DAAM1: variants seen among roughly 807,000 people sequenced by gnomAD.
DAAM1 encodes the protein dishevelled associated activator of morphogenesis 1.
A neutral mutation model predicts 130.0 loss-of-function variants in DAAM1; 52 were observed. That is an observed-to-expected ratio of 0.40 (90% CI 0.32 to 0.50). The LOEUF (loss-of-function observed/expected upper bound fraction) is 0.50. DAAM1 is among the 20% of genes least tolerant of loss of function. The probability of loss-of-function intolerance (pLI) is 0.61; values close to 1 mark genes in which losing one functional copy is unlikely to be tolerated. For missense variants in DAAM1, 1,134 were observed against 1,303.8 expected (o/e 0.87, Z 2.01); for synonymous variants, 452 against 444.5 (o/e 1.02, Z -0.21).
intron 12 of DAAM1, among the ~76,000 whole-genome samples, chr14:59,328,573 C>T (rs1885301686): frequency 1.3e-5 from 2 of 152,236 alleles, no homozygotes; most frequent in Non-Finnish European, 2.9e-5. Context: ...CTCCCCCTTT[C>T]TCACTGTGTG....
intron 14 of DAAM1, 30 bp from the exon 15 acceptor site, chr14:59,331,783 C>T (rs778819975): frequency 3.7e-6 from 6 of 1,600,734 alleles, no homozygotes; most frequent in South Asian, 3.4e-5. Flanking sequence ...TAACTGTAAA[C>T]TATAGCACTT....
chr14:59,237,598 T>A (rs1216635148), intron 1 of DAAM1, among the ~76,000 whole-genome samples: 1 of 152,220 alleles, frequency 6.6e-6, no homozygotes, highest in Non-Finnish European at 1.5e-5. Context: ...ATTTACGCTA[T>A]TGGGCCTACA....
At chr14:59,204,950 C>T (rs1302092230) in intron 1 of DAAM1, among the ~76,000 whole-genome samples, 2 of 152,226 alleles carry the variant, frequency 1.3e-5, no homozygotes, top group African/African-American at 4.8e-5. Flanking sequence ...CTCTGTCTTC[C>T]TAAAATGATC....
At chr14:59,328,158 A>G (rs2139629760) in intron 12 of DAAM1, among the ~76,000 whole-genome samples, 1 of 152,358 alleles carries the variant, frequency 6.6e-6, no homozygotes, top group South Asian at 2.1e-4. Flanking sequence ...CTTTTCTCTC[A>G]TCACATTTCC....
intron 1 of DAAM1, among the ~76,000 whole-genome samples, chr14:59,242,282 CAAGAACCA>C (rs1881160066): frequency 6.6e-6 from 1 of 152,132 alleles, no homozygotes; most frequent in Non-Finnish European, 1.5e-5. Flanking sequence ...TCTCTAAAGG[CAAGAACCA>C]AATTGGTCTT....
chr14:59,368,597 C>G, intron 24 of DAAM1, 53 bp from the exon 25 acceptor site: 1 of 1,559,784 alleles, frequency 6.4e-7, no homozygotes. Flanking sequence ...CTACTGCAAA[C>G]AAAATGCAAC....
At chr14:59,340,243 C>G in intron 16 of DAAM1, 63 bp downstream of exon 16, 1 of 1,480,900 alleles carries the variant, frequency 6.8e-7, no homozygotes, top group South Asian at 1.1e-5. Context: ...TGGCTCAAAA[C>G]CACATGTTAG....
At chr14:59,315,393 C>A in intron 4 of DAAM1, 42 bp downstream of exon 4, 4 of 1,571,980 alleles carry the variant, frequency 2.5e-6, no homozygotes, top group South Asian at 2.2e-5. Context: ...GTTTAAAATG[C>A]AAGTGTAGTA....
intron 1 of DAAM1, among the ~76,000 whole-genome samples, chr14:59,213,056 A>T (rs539336220): frequency 6.7e-6 from 1 of 150,078 alleles, no homozygotes; most frequent in South Asian, 2.1e-4. Flanking sequence ...CCCCCTCCCC[A>T]GGAGTAGGGA....
intron 23 of DAAM1, among the ~76,000 whole-genome samples, chr14:59,366,804 C>T (rs1886932958): frequency 6.6e-6 from 1 of 152,042 alleles, no homozygotes; most frequent in South Asian, 2.1e-4. Flanking sequence ...GTCCCAGCTA[C>T]TCGTGAGGCT....
chr14:59,324,429 G>C lies in DAAM1; in HGVS notation c.964G>C (p.Glu322Gln), dbSNP rs1594823228. The change falls in exon 8 of 25, where the codon GAA becomes CAA. Residue 322 changes from glutamate (E) to glutamine (Q), a missense_variant. This residue lies in a region of DAAM1 where 391 missense variants were observed against 521.6 expected (regional missense o/e 0.75). Coordinates refer to ENST00000360909, the MANE Select transcript of DAAM1 (RefSeq NM_001270520.2). ...TCAACCTGTAATAGATAAATTAAGGGAACACGAAAATTCAACATTAGATAG... is the reference window on the plus strand; with the variant it reads ...TCAACCTGTAATAGATAAATTAAGGCAACACGAAAATTCAACATTAGATAG... ...GIQPVIDKLREHENSTLDRHL... is the reference protein window; with the variant it reads ...GIQPVIDKLRQHENSTLDRHL... 6.3e-7 allele frequency: 1 copy of C among 1,589,010 alleles called. No homozygotes were observed. The highest frequency in any genetic ancestry group is 1.3e-5 in the African/African-American group (1 of 74,234).
At chr14:59,305,517 G>C (rs570223121) in intron 3 of DAAM1, among the ~76,000 whole-genome samples, 27 of 152,306 alleles carry the variant, frequency 1.8e-4, no homozygotes, top group African/African-American at 6.0e-4. Flanking sequence ...CATAGTTTGG[G>C]AAGTGGACTG....
chr14:59,342,994 T>C (rs1456487593), intron 16 of DAAM1, among the ~76,000 whole-genome samples: 1 of 152,178 alleles, frequency 6.6e-6, no homozygotes, highest in African/African-American at 2.4e-5. Flanking sequence ...AATTCAGGCA[T>C]TGTGCATTTA....
intron 1 of DAAM1, among the ~76,000 whole-genome samples, chr14:59,246,667 A>T (rs1199848348): frequency 6.6e-6 from 1 of 152,206 alleles, no homozygotes; most frequent in African/African-American, 2.4e-5. Flanking sequence ...TAATCCCAGC[A>T]ACTGTACAGG....
chr14:59,345,796 T>A (rs1273239540), intron 16 of DAAM1, among the ~76,000 whole-genome samples: 1 of 152,180 alleles, frequency 6.6e-6, no homozygotes, highest in Non-Finnish European at 1.5e-5. Flanking sequence ...TAATCACTGT[T>A]AAAATAAGGA....
chr14:59,206,041 CAG>C (rs1888246075), intron 1 of DAAM1, among the ~76,000 whole-genome samples: 1 of 151,588 alleles, frequency 6.6e-6, no homozygotes. Flanking sequence ...TTCATAAAGA[CAG>C]GGGTCTCACT....
intron 1 of DAAM1, among the ~76,000 whole-genome samples, chr14:59,240,813 T>C (rs1881078305): frequency 6.6e-6 from 1 of 152,242 alleles, no homozygotes; most frequent in Non-Finnish European, 1.5e-5. Flanking sequence ...AGTGACTTGA[T>C]TGGCGAAGCC....
chr14:59,289,784 A>ATATATATATATATATATATAT, intron 2 of DAAM1, among the ~76,000 whole-genome samples: 49 of 128,630 alleles, frequency 3.8e-4, no homozygotes, highest in Middle Eastern at 4.9e-3. Context: ...ATATATATAT[A>ATATATATATATATATATATAT]ATGGAATGCT....
intron 1 of DAAM1, among the ~76,000 whole-genome samples, chr14:59,189,810 C>G (rs1245412466): frequency 1.3e-5 from 2 of 152,114 alleles, no homozygotes; most frequent in Admixed American, 1.3e-4. Context: ...TTCATCAAAC[C>G]CTGCTAAGGT....
Sources: allele counts gnomAD v4.1 joint callset (sites outside exome capture counted in the v4.1 genomes callset), GRCh38; gene constraint gnomAD v4.1.1; regional missense constraint gnomAD v4.1.1; transcripts MANE v1.5; gene names NCBI Gene and HGNC (gene_info 2026-07-23, HGNC 2026-07-21).